Variants in RTN1 observed in about 807,000 individuals in gnomAD.
RTN1 encodes reticulon-1.
In RTN1, 25 loss-of-function variants were observed where a neutral mutation model predicts 65.5. That is an observed-to-expected ratio of 0.38 (90% CI 0.28 to 0.53). The LOEUF is 0.53. RTN1 is among the 20% of genes least tolerant of loss of function. The pLI is 0.79. For synonymous variants in RTN1, 471 were observed against 447.6 expected (o/e 1.05, Z -0.66); for missense variants, 983 against 1,025.4 (o/e 0.96, Z 0.57).
intron 3 of RTN1, among the ~76,000 whole-genome samples, chr14:59,631,041 T>G (rs999329455): frequency 1.3e-5 from 2 of 152,336 alleles, no homozygotes; most frequent in Admixed American, 1.3e-4. Context: ...TAATGTTCCC[T>G]AATTGTTGCC....
Position 59,608,163 on chromosome 14 carries a change from A to G in RTN1, c.1766-671T>C, listed in dbSNP as rs201322398. Among the ~76,000 whole-genome samples, 7 of 152,362 alleles carry G rather than the reference A, an allele frequency of 4.6e-5. No homozygotes were observed. In the East Asian group the frequency reaches 1.3e-3, roughly 29 times the overall value. ...ATTCCAGTCCCGGGATATAAAAAAA[A>G]ATAGCATAAAACCCTTACTGAAGGA... On this transcript the variant is annotated intron_variant, in intron 3 of 8. Transcript: ENST00000267484.
chr14:59,643,469 T>G (rs1343123954), intron 3 of RTN1, among the ~76,000 whole-genome samples: 1 of 152,198 alleles, frequency 6.6e-6, no homozygotes, highest in African/African-American at 2.4e-5. Context: ...CCATCCGCGT[T>G]GGCCTCCCAA....
intron 3 of RTN1, among the ~76,000 whole-genome samples, chr14:59,658,295 C>T (rs1274158697): frequency 6.6e-6 from 1 of 152,206 alleles, no homozygotes; most frequent in Non-Finnish European, 1.5e-5. Context: ...AACAGAGCAC[C>T]TGGGAGAAGG....
At chr14:59,817,089 T>C (rs572014775) in intron 1 of RTN1, among the ~76,000 whole-genome samples, 26 of 152,148 alleles carry the variant, frequency 1.7e-4, no homozygotes, top group African/African-American at 6.3e-4. Flanking sequence ...CTTTTTTTTT[T>C]CCTACTTATT....
intron 1 of RTN1, among the ~76,000 whole-genome samples, chr14:59,845,928 A>G (rs868376306): frequency 1.7e-4 from 26 of 152,192 alleles, no homozygotes; most frequent in African/African-American, 6.0e-4. Flanking sequence ...AAAAAATCCT[A>G]AATTCCAGCA....
In RTN1 at chr14:59,763,056, G is replaced by C. The variant is rs1378727017; in HGVS notation, c.242-16575C>G. ...AATAGAAAGATGTGAATAACATCTT[G>C]GGACAAATAGCATAAACCTGGAATT... On this transcript the variant is annotated intron_variant, in intron 1 of 8. Transcript: ENST00000267484. Among the ~76,000 whole-genome samples, 5 of 152,278 alleles carry C rather than the reference G, an allele frequency of 3.3e-5. No individual in the cohort carries two copies. The South Asian group carries it at 8.3e-4, about 25-fold the overall frequency.
In RTN1 at chr14:59,870,345, C is replaced by T. The variant is rs756134434; in HGVS notation, c.241+45G>A. Reference sequence around the variant, plus strand: ...GCGCAGAAGGGGACTGACTGGGGGGCCCTGGTCCCCGACGCCATTTGAGGG... The same window carrying T: ...GCGCAGAAGGGGACTGACTGGGGGGTCCTGGTCCCCGACGCCATTTGAGGG... On this transcript the variant is annotated intron_variant, in intron 1 of 8. Coordinates refer to ENST00000267484, the MANE Select transcript of RTN1 (RefSeq NM_021136.3). This position sits in a 1 kb window ranked among gnomAD's most constrained non-coding sequence, Gnocchi z 5.1. 6.2e-6 allele frequency: 9 copies of T among 1,448,132 alleles called. No homozygotes were observed. In the East Asian group the frequency reaches 2.5e-4, roughly 40 times the overall value. The allele number at this position is 1,448,132 out of a possible 1,614,324, so 89.7% of individuals were successfully genotyped here. A position where few individuals can be genotyped will look rare whatever the true frequency, so the allele number is the denominator to read the frequency against.
intron 1 of RTN1, among the ~76,000 whole-genome samples, chr14:59,762,013 ATGTGG>A (rs1885757828): frequency 6.6e-6 from 1 of 152,146 alleles, no homozygotes; most frequent in African/African-American, 2.4e-5. Context: ...GTGATGTGGT[ATGTGG>A]TGTGGTATGG....
intron 1 of RTN1, among the ~76,000 whole-genome samples, chr14:59,749,090 CTA>C (rs1566710718): frequency 8.4e-6 from 1 of 118,586 alleles, no homozygotes; most frequent in South Asian, 2.5e-4. Flanking sequence ...GCCGGGGCAT[CTA>C]TATATATATC....
At chr14:59,686,970 T>A (rs555812362) in intron 3 of RTN1, among the ~76,000 whole-genome samples, 135 of 152,314 alleles carry the variant, frequency 8.9e-4, no homozygotes, top group Non-Finnish European at 2.2e-4. Context: ...AAGTGCCTGC[T>A]CTGGAGTTGG....
intron 1 of RTN1, among the ~76,000 whole-genome samples, chr14:59,761,325 T>C (rs1011500500): frequency 6.6e-6 from 1 of 152,108 alleles, no homozygotes; most frequent in Non-Finnish European, 1.5e-5. Context: ...ATGGGGGCGG[T>C]TTCCCCCGTA....
At position 59,596,678 on chromosome 14, in the gene RTN1, A is replaced by T. The variant is rs1881409456; in HGVS notation, c.*67T>A. 8.6e-7 allele frequency: 1 copy of T among 1,162,036 alleles called. No individual in the cohort carries two copies. Among genetic ancestry groups the T allele is most frequent in the Non-Finnish European group, 1.3e-6 (1 of 767,944 alleles). 72.0% of individuals were successfully genotyped at this position (1,162,036 alleles called of 1,614,324 possible). A position where few individuals can be genotyped will look rare whatever the true frequency, so the allele number is the denominator to read the frequency against. On this transcript the variant is annotated 3_prime_UTR_variant, in exon 9 of 9. Coordinates refer to ENST00000267484, the MANE Select transcript of RTN1 (RefSeq NM_021136.3). ...GAAAGACAATCAATTTGCAGTAATG[A>T]GTAAGAAGAGAGCTGTTACCACTCC...
At chr14:59,778,102 T>C (rs1886088329) in intron 1 of RTN1, among the ~76,000 whole-genome samples, 1 of 152,152 alleles carries the variant, frequency 6.6e-6, no homozygotes, top group African/African-American at 2.4e-5. Context: ...CTCCGTCTTA[T>C]CCTCCAGATC....
At chr14:59,605,237 T>C in intron 5 of RTN1, 131 bp downstream of exon 5, 1 of 881,638 alleles carries the variant, frequency 1.1e-6, no homozygotes, top group East Asian at 2.7e-5. Context: ...GCCATACAAC[T>C]GGAGGTCTTC....
At chr14:59,787,559 T>C (rs550234095) in intron 1 of RTN1, among the ~76,000 whole-genome samples, 204 of 152,334 alleles carry the variant, frequency 1.3e-3, no homozygotes, top group African/African-American at 4.4e-3. Flanking sequence ...CTTTCTTCTA[T>C]GCAGCTTTTA....
intron 1 of RTN1, among the ~76,000 whole-genome samples, chr14:59,775,921 G>T (rs1455643900): frequency 6.6e-6 from 1 of 152,004 alleles, no homozygotes; most frequent in East Asian, 1.9e-4. Context: ...GAAATAAGAA[G>T]TTTTAAATTA....
intron 1 of RTN1, among the ~76,000 whole-genome samples, chr14:59,767,692 T>C (rs1885875321): frequency 6.6e-6 from 1 of 152,166 alleles, no homozygotes; most frequent in African/African-American, 2.4e-5. Flanking sequence ...GGAGGTGACA[T>C]TTAAACTGAG....
chr14:59,821,481 C>T (rs1239303361), intron 1 of RTN1, among the ~76,000 whole-genome samples: 2 of 152,212 alleles, frequency 1.3e-5, no homozygotes, highest in African/African-American at 4.8e-5. Flanking sequence ...GTTTCACCTT[C>T]TCTCTCTTCC....
chr14:59,830,337 A>G (rs1421771676), intron 1 of RTN1, among the ~76,000 whole-genome samples: 1 of 152,234 alleles, frequency 6.6e-6, no homozygotes, highest in East Asian at 1.9e-4. Context: ...ACAGCAAGCC[A>G]CAGTTAAACC....
Sources: gnomAD v4.1 joint callset for allele counts (sites outside exome capture counted in the v4.1 genomes callset) on GRCh38, gnomAD v4.1.1 for gene constraint, Gnocchi (gnomAD v3.1) non-coding constraint, MANE v1.5 for transcripts, NCBI Gene and HGNC (gene_info 2026-07-23, HGNC 2026-07-21) for gene names.